Variants in ASTN2 observed in about 807,000 individuals in gnomAD.
The protein encoded by ASTN2 is astrotactin 2, also known as astrotactin-2.
In ASTN2, 54 loss-of-function variants were observed where a neutral mutation model predicts 139.8. The observed-to-expected ratio is 0.39, with a 90% CI of 0.31 to 0.48. The LOEUF (loss-of-function observed/expected upper bound fraction) is 0.48, where lower values mean the gene tolerates loss of function less well. Ranked by LOEUF, ASTN2 falls within the 20% of genes least tolerant of loss-of-function variation. ASTN2 has a pLI of 0.95. For synonymous variants in ASTN2, 756 were observed against 719.5 expected (o/e 1.05, Z -0.81); for missense variants, 1,565 against 1,725.1 (o/e 0.91, Z 1.64).
chr9:116,771,448 A>C lies in ASTN2; in HGVS notation c.2396+34184T>G, dbSNP rs566522704. ...GTAGTTATTCTTATAACATGTATCA[A>C]ATAGTACTACATTTATGCTTATCTT... On this transcript the variant is annotated intron_variant, in intron 13 of 22. Transcript: ENST00000313400. Among the ~76,000 whole-genome samples, 344 of 152,260 alleles carry C rather than the reference A, an allele frequency of 2.3e-3. 2 individuals are homozygous for C. The highest frequency in any genetic ancestry group is 5.6e-3 in the African/African-American group (232 of 41,572).
chr9:117,370,933 A>C (rs1829974482), intron 1 of ASTN2, among the ~76,000 whole-genome samples: 1 of 152,142 alleles, frequency 6.6e-6, no homozygotes, highest in Non-Finnish European at 1.5e-5. Context: ...GGCAAAAACT[A>C]AACCCAGTTG....
chr9:117,023,507 T>A (rs1026485550), intron 6 of ASTN2, among the ~76,000 whole-genome samples: 2 of 152,144 alleles, frequency 1.3e-5, no homozygotes, highest in Non-Finnish European at 2.9e-5. Flanking sequence ...TTACACCATT[T>A]TAATTATCCT....
intron 5 of ASTN2, among the ~76,000 whole-genome samples, chr9:117,075,556 C>G (rs1387709542): frequency 1.3e-5 from 2 of 151,974 alleles, no homozygotes; most frequent in Admixed American, 1.3e-4. Flanking sequence ...TTCATGGTCT[C>G]CCTTGTTTTC....
At chr9:117,134,504 G>A (rs1462090150) in intron 4 of ASTN2, among the ~76,000 whole-genome samples, 1 of 151,948 alleles carries the variant, frequency 6.6e-6, no homozygotes. Context: ...GATTTTGATG[G>A]AGGATTTTGT....
chr9:116,737,175 A>G (rs184187017), intron 13 of ASTN2, among the ~76,000 whole-genome samples: 1 of 152,222 alleles, frequency 6.6e-6, no homozygotes, highest in Non-Finnish European at 1.5e-5. Context: ...TCTCTCGGGT[A>G]CTGGGTCCCT....
chr9:117,291,837 A>C (rs1834602670), intron 1 of ASTN2, among the ~76,000 whole-genome samples: 1 of 152,196 alleles, frequency 6.6e-6, no homozygotes, highest in African/African-American at 2.4e-5. Context: ...AAGTGCTTTC[A>C]TTCTTTTGTG....
chr9:116,733,490 C>T lies in ASTN2; in HGVS notation c.2430G>A (p.Leu810=). 1 of 1,614,202 alleles carries T rather than the reference C, an allele frequency of 6.2e-7. No homozygotes were observed. Among genetic ancestry groups the T allele is most frequent in the Non-Finnish European group, 8.5e-7 (1 of 1,180,038 alleles). ...GCGGGATCACCAACAGCCCATCGGCCAGCTGGGGAAAGTCCTTGATGAAGT... is the reference window on the plus strand; with the variant it reads ...GCGGGATCACCAACAGCCCATCGGCTAGCTGGGGAAAGTCCTTGATGAAGT... ...ENNFIKDFPQ[L]ADGLLVIPLP... The change falls in exon 14 of 23, where the codon CTG becomes CTA. Residue 810 remains leucine (L), a synonymous_variant. Transcript: ENST00000313400.
chr9:117,106,338 T>C (rs2132775547), intron 4 of ASTN2, among the ~76,000 whole-genome samples: 1 of 152,130 alleles, frequency 6.6e-6, no homozygotes, highest in South Asian at 2.1e-4. Context: ...GCTATTCTTG[T>C]GCGTCAGCCC....
chr9:116,467,878 G>A (rs1213272518), intron 20 of ASTN2, among the ~76,000 whole-genome samples: 1 of 152,202 alleles, frequency 6.6e-6, no homozygotes, highest in Non-Finnish European at 1.5e-5. Context: ...TCTTTTCCCA[G>A]AATGAAGTTT....
intron 20 of ASTN2, among the ~76,000 whole-genome samples, chr9:116,459,035 T>C (rs1469863901): frequency 6.6e-6 from 1 of 152,010 alleles, no homozygotes; most frequent in Non-Finnish European, 1.5e-5. Flanking sequence ...ATCAAGACTG[T>C]GAGACACCAG....
At chr9:116,790,001 C>T (rs1830488838) in intron 13 of ASTN2, among the ~76,000 whole-genome samples, 1 of 143,702 alleles carries the variant, frequency 7.0e-6, no homozygotes, top group Non-Finnish European at 1.5e-5. Flanking sequence ...TCTTGGCTCA[C>T]TGCAACATCT....
intron 11 of ASTN2, among the ~76,000 whole-genome samples, chr9:116,830,379 A>T (rs984422697): frequency 1.3e-5 from 2 of 150,448 alleles, no homozygotes; most frequent in Non-Finnish European, 3.0e-5. Flanking sequence ...TATGGAATGT[A>T]AATGAGCACA....
At chr9:116,703,390 G>C (rs1489324999) in intron 16 of ASTN2, among the ~76,000 whole-genome samples, 2 of 151,684 alleles carry the variant, frequency 1.3e-5, no homozygotes, top group Non-Finnish European at 2.9e-5. Flanking sequence ...CCCTTTGTCA[G>C]ATGAGTAGGT....
intron 1 of ASTN2, among the ~76,000 whole-genome samples, chr9:117,388,481 C>T (rs533786010): frequency 3.9e-5 from 6 of 152,200 alleles, no homozygotes; most frequent in Non-Finnish European, 8.8e-5. Flanking sequence ...AGACTGTGTG[C>T]TGGTTATTGC....
intron 17 of ASTN2, among the ~76,000 whole-genome samples, chr9:116,630,316 C>A (rs1190444749): frequency 6.6e-6 from 1 of 152,170 alleles, no homozygotes; most frequent in Non-Finnish European, 1.5e-5. Context: ...ACTTTCATCT[C>A]CATAAACAGC....
intron 1 of ASTN2, among the ~76,000 whole-genome samples, chr9:117,325,750 A>G (rs1828493466): frequency 6.6e-6 from 1 of 152,146 alleles, no homozygotes; most frequent in African/African-American, 2.4e-5. Context: ...GAGGATTGTT[A>G]GAGATGGAGA....
intron 11 of ASTN2, among the ~76,000 whole-genome samples, chr9:116,857,188 T>C (rs1832761892): frequency 6.6e-6 from 1 of 152,238 alleles, no homozygotes; most frequent in South Asian, 2.1e-4. Flanking sequence ...TAGTTGCTTT[T>C]ATATTACTAG....
At chr9:116,902,309 A>G (rs1413673806) in intron 10 of ASTN2, among the ~76,000 whole-genome samples, 1 of 152,194 alleles carries the variant, frequency 6.6e-6, no homozygotes, top group Non-Finnish European at 1.5e-5. Context: ...AGTTTAAAAA[A>G]TAAAAATAGA....
chr9:116,704,602 A>AGTT (rs1377915863), intron 16 of ASTN2, among the ~76,000 whole-genome samples: 1 of 152,208 alleles, frequency 6.6e-6, no homozygotes, highest in East Asian at 1.9e-4. Flanking sequence ...CTTCATGGTG[A>AGTT]GTTGTTGATA....
Sources: allele counts gnomAD v4.1 joint callset (sites outside exome capture counted in the v4.1 genomes callset), GRCh38; gene constraint gnomAD v4.1.1; transcripts MANE v1.5; gene names NCBI Gene and HGNC (gene_info 2026-07-23, HGNC 2026-07-21).